The following MYOF variants were observed in gnomAD, a reference collection of about 807,000 sequenced individuals.
The protein encoded by MYOF is fer-1-like 3, myoferlin.
MYOF carries 244 observed loss-of-function variants against 284.2 expected under a neutral mutation model. That is an observed-to-expected ratio of 0.86 (90% CI 0.77 to 0.95). MYOF has a LOEUF of 0.95. MYOF is among the 40% of genes least tolerant of loss of function. The probability of loss-of-function intolerance (pLI) is 0.00; values close to 1 mark genes in which losing one functional copy is unlikely to be tolerated. For missense variants in MYOF, 2,496 were observed against 2,560.6 expected (o/e 0.97, Z 0.54); for synonymous variants, 904 against 919.7 (o/e 0.98, Z 0.31).
intron 38 of MYOF, among the ~76,000 whole-genome samples, chr10:93,343,408 C>G (rs1002257744): frequency 1.3e-5 from 2 of 152,158 alleles, no homozygotes; most frequent in African/African-American, 4.8e-5. Flanking sequence ...AAGAATCTGG[C>G]GTGTTGCATG....
At chr10:93,319,218 G>A (rs113107467) in intron 49 of MYOF, among the ~76,000 whole-genome samples, 242 of 152,354 alleles carry the variant, frequency 1.6e-3, no homozygotes, top group African/African-American at 5.5e-3. Flanking sequence ...CAGGATGTGA[G>A]CTGAGGCTGC....
In MYOF at chr10:93,351,768, T is replaced by A. The variant is rs1274148578; in HGVS notation, c.3560A>T (p.Asp1187Val). Residue 1187 changes from aspartate (D) to valine (V), a missense_variant, in exon 33 of 54, where the codon GAC becomes GTC. By Grantham distance (152) the Asp-to-Val change is radical (BLOSUM62 -3). Coordinates refer to ENST00000359263, the MANE Select transcript of MYOF (RefSeq NM_013451.4). Reference protein sequence around the residue: ...IIHSTLNPTWDQTIIFDEVEI... With the variant: ...IIHSTLNPTWVQTIIFDEVEI... ...AACTTCATCGAATATAATTGTTTGGTCCCACGTGGGATTCAGGGTTGAATG... is the reference window on the plus strand; with the variant it reads ...AACTTCATCGAATATAATTGTTTGGACCCACGTGGGATTCAGGGTTGAATG... The A allele has an allele frequency of 6.2e-7, 1 of 1,602,708 alleles. No homozygotes were observed. The highest frequency in any genetic ancestry group is 1.8e-5 in the Admixed American group (1 of 56,172).
chr10:93,308,141 G>A, intron 53 of MYOF, among the ~76,000 whole-genome samples: 1 of 151,228 alleles, frequency 6.6e-6, no homozygotes, highest in East Asian at 2.0e-4. Context: ...TACTTGGGAG[G>A]CTGAGGCTGG....
intron 1 of MYOF, among the ~76,000 whole-genome samples, chr10:93,481,399 C>T (rs549952524): frequency 1.3e-5 from 2 of 152,178 alleles, no homozygotes; most frequent in African/African-American, 2.4e-5. Flanking sequence ...TTGTCTAAAC[C>T]CTTCTCGCCT....
chr10:93,428,017 CA>C (rs1339453614), intron 4 of MYOF, among the ~76,000 whole-genome samples: 1 of 151,886 alleles, frequency 6.6e-6, no homozygotes, highest in East Asian at 1.9e-4. Context: ...ATTTTAACAC[CA>C]AAAATGAGAA....
At chr10:93,418,370 A>G (rs193278802) in intron 5 of MYOF, among the ~76,000 whole-genome samples, 2 of 152,376 alleles carry the variant, frequency 1.3e-5, no homozygotes, top group Admixed American at 1.3e-4. Context: ...TAAAATGTTA[A>G]AAGTTTTATA....
chr10:93,420,465 C>T (rs1848314183), intron 5 of MYOF, among the ~76,000 whole-genome samples: 1 of 152,138 alleles, frequency 6.6e-6, no homozygotes, highest in South Asian at 2.1e-4. Flanking sequence ...AGTCAAGCCA[C>T]CAGTGCCCTA....
At position 93,482,277 on chromosome 10, in the gene MYOF, G is replaced by A. The variant is rs539378031; in HGVS notation, c.-83C>T. On this transcript the variant is annotated 5_prime_UTR_variant, in exon 1 of 54. Transcript: ENST00000359263. ...AGCTCCGGGTCGCACCGCCCTGGGA[G>A]AGAAGTTCTCTCCCAGTGAAGGGAG... 2 of 1,181,916 alleles carry A rather than the reference G, an allele frequency of 1.7e-6. No individual in the cohort carries two copies. The highest frequency in any genetic ancestry group is 1.3e-5 in the South Asian group (1 of 75,602). 73.2% of individuals were successfully genotyped at this position (1,181,916 alleles called of 1,614,324 possible). A position where few individuals can be genotyped will look rare whatever the true frequency, so the allele number is the denominator to read the frequency against.
Position 93,347,610 on chromosome 10 carries a change from A to G in MYOF, c.4249+7T>C. Reference sequence around the variant, plus strand: ...CCCCCAGACTTATGCACAGCCTTGCATGTTACCTTTGAGCTGTGGGACGAT... The same window carrying G: ...CCCCCAGACTTATGCACAGCCTTGCGTGTTACCTTTGAGCTGTGGGACGAT... On this transcript the variant is annotated splice_region_variant and intron_variant, in intron 37 of 53. Transcript: ENST00000359263. The G allele has an allele frequency of 6.2e-7, 1 of 1,607,130 alleles. No homozygotes were observed. The highest frequency in any genetic ancestry group is 8.5e-7 in the Non-Finnish European group (1 of 1,176,706).
chr10:93,310,708 C>A, intron 51 of MYOF, 65 bp from the exon 52 acceptor site: 1 of 1,421,336 alleles, frequency 7.0e-7, no homozygotes, highest in Non-Finnish European at 9.9e-7. Context: ...TACTTCAACC[C>A]AAGGAGTATT....
intron 19 of MYOF, 101 bp downstream of exon 19, chr10:93,387,696 C>T (rs1036674371): frequency 1.2e-6 from 1 of 857,948 alleles, no homozygotes; most frequent in Non-Finnish European, 2.0e-6. Context: ...AGATGAGGGC[C>T]TCATTGTGAG....
chr10:93,306,534 T>TAACTAACTA lies in MYOF; in HGVS notation c.*428_*429insTAGTTAGTT, dbSNP rs925423893. ...TTGTGGGCATAAATAAGAATTGTTC[T>TAACTAACTA]AACTATTCTAACTGATTTTATAATG... is the stretch of plus-strand genomic sequence containing the variant. On this transcript the variant is annotated 3_prime_UTR_variant, in exon 54 of 54. Coordinates refer to ENST00000359263, the MANE Select transcript of MYOF (RefSeq NM_013451.4). 5.8e-4 allele frequency: 94 copies of TAACTAACTA among 163,160 alleles called. No individual in the cohort carries two copies. Among genetic ancestry groups the TAACTAACTA allele is most frequent in the African/African-American group, 2.2e-3 (90 of 41,764 alleles). The allele number at this position is 163,160 out of a possible 1,614,324, so 10.1% of individuals were successfully genotyped here.
At chr10:93,323,618 T>G (rs1842927173) in intron 46 of MYOF, 1 of 465,712 alleles carries the variant, frequency 2.1e-6, no homozygotes, top group Admixed American at 3.8e-5. Flanking sequence ...AGTCTGGGTC[T>G]CGCCTGGTTA....
intron 1 of MYOF, among the ~76,000 whole-genome samples, chr10:93,470,238 A>AAAAAG (rs1554874178): frequency 5.1e-5 from 3 of 58,816 alleles, no homozygotes; most frequent in African/African-American, 1.6e-4. Context: ...CAAAAAAAAA[A>AAAAAG]AAAGAAAGAA....
chr10:93,462,290 G>A (rs756634766), intron 1 of MYOF, among the ~76,000 whole-genome samples: 4 of 151,986 alleles, frequency 2.6e-5, no homozygotes, highest in African/African-American at 7.3e-5. Context: ...GGCTAGTCTC[G>A]AACTCCTGAC....
At chr10:93,457,854 C>T (rs2056780974) in intron 1 of MYOF, among the ~76,000 whole-genome samples, 1 of 151,560 alleles carries the variant, frequency 6.6e-6, no homozygotes, top group Admixed American at 6.6e-5. Flanking sequence ...CACCTCGGCG[C>T]CCCATGTAGT....
chr10:93,481,982 G>T, intron 1 of MYOF, 125 bp downstream of exon 1: 1 of 891,896 alleles, frequency 1.1e-6, no homozygotes, highest in South Asian at 1.5e-5. Flanking sequence ...TCCTGCGCAG[G>T]TAACAAACGC....
At chr10:93,356,582 C>G (rs1037082283) in intron 30 of MYOF, 93 bp downstream of exon 30, 95 of 1,359,818 alleles carry the variant, frequency 7.0e-5, no homozygotes, top group Non-Finnish European at 8.7e-5. Context: ...ACCAGGGTTA[C>G]AGGGACCTCT....
At chr10:93,402,665 A>C (rs888738716) in intron 10 of MYOF, among the ~76,000 whole-genome samples, 195 bp downstream of exon 10, 1 of 152,212 alleles carries the variant, frequency 6.6e-6, no homozygotes, top group Non-Finnish European at 1.5e-5. Flanking sequence ...AAAAAATTAG[A>C]CATTTTTTCT....
Sources: allele counts gnomAD v4.1 joint callset (sites outside exome capture counted in the v4.1 genomes callset), GRCh38; gene constraint gnomAD v4.1.1; transcripts MANE v1.5; gene names NCBI Gene and HGNC (gene_info 2026-07-23, HGNC 2026-07-21).